PIR: variants seen among roughly 807,000 people sequenced by gnomAD.
PIR encodes the protein pirin (iron-binding nuclear protein).
Under a neutral mutation model 24.2 loss-of-function variants are expected in PIR, and 22 were observed. The ratio of observed to expected loss-of-function variants is 0.91; its 90% CI spans 0.65 to 1.30. The LOEUF (loss-of-function observed/expected upper bound fraction) is 1.30. PIR is among the 50% of genes most tolerant of loss of function. The pLI is 0.00. For synonymous variants in PIR, 80 were observed against 79.6 expected, an observed-to-expected ratio of 1.00 and a Z score of -0.03; for missense variants, 220 against 220.3, an observed-to-expected ratio of 1.00 and a Z score of 0.01.
intron 4 of PIR, among the ~76,000 whole-genome samples, chrX:15,457,443 C>A (rs1921127964): frequency 1.8e-5 from 2 of 112,042 alleles, no homozygotes; most frequent in Admixed American, 1.9e-4. Flanking sequence ...AATCCTTAAA[C>A]AAACAATGTC....
Position 15,464,526 on chromosome X carries a change from C to T in PIR, c.190-4786G>A, listed in dbSNP as rs187251667. Reference sequence around the variant, plus strand: ...AAAGGCAGTGAGACACAAGGAGAAACACTAAGAATCAGAAGAGTAGCTCCA... The same window carrying T: ...AAAGGCAGTGAGACACAAGGAGAAATACTAAGAATCAGAAGAGTAGCTCCA... On this transcript the variant is annotated intron_variant, in intron 3 of 9. Transcript: ENST00000380420. The T allele has an allele frequency of 3.3e-3, 1,584 of 474,595 alleles. 1 individual carries two copies. The highest frequency in any genetic ancestry group is 4.0e-3 in the Middle Eastern group (3 of 754). 39.1% of individuals were successfully genotyped at this position (474,595 alleles called of 1,213,427 possible).
intron 5 of PIR, among the ~76,000 whole-genome samples, chrX:15,449,050 G>T (rs190714297): frequency 9.0e-6 from 1 of 111,347 alleles, no homozygotes; most frequent in Admixed American, 9.6e-5. Context: ...ATTAAATGCC[G>T]TCCGCCCAAA....
At chrX:15,440,993 C>T (rs1458175942) in intron 5 of PIR, among the ~76,000 whole-genome samples, 2 of 111,557 alleles carry the variant, frequency 1.8e-5, no homozygotes, top group East Asian at 2.8e-4. Context: ...GAACCAAAAC[C>T]GGTATTGTGA....
At chrX:15,387,656 T>A (rs1923819135) in intron 9 of PIR, among the ~76,000 whole-genome samples, 1 of 111,526 alleles carries the variant, frequency 9.0e-6, no homozygotes, top group Non-Finnish European at 1.9e-5. Context: ...ACTTGGAAGA[T>A]GGGAGCAGGT....
chrX:15,407,575 A>T, intron 6 of PIR, 25 bp from the exon 7 acceptor site: 3 of 1,127,878 alleles, frequency 2.7e-6, no homozygotes, highest in Non-Finnish European at 3.7e-6. Context: ...CAACATTAAC[A>T]TGTTAGTGTC....
intron 9 of PIR, among the ~76,000 whole-genome samples, chrX:15,389,223 T>C (rs1348167619): frequency 8.9e-6 from 1 of 112,162 alleles, no homozygotes; most frequent in Non-Finnish European, 1.9e-5. Context: ...AACTATAATA[T>C]TGCAGTGCTT....
At chrX:15,407,267 T>G (rs1402645396) in intron 7 of PIR, among the ~76,000 whole-genome samples, 1 of 112,023 alleles carries the variant, frequency 8.9e-6, no homozygotes, top group Non-Finnish European at 1.9e-5. Flanking sequence ...GCCTGGACTT[T>G]CATCTGTGCA....
chrX:15,463,386 C>T (rs1267219577), intron 3 of PIR, among the ~76,000 whole-genome samples: 1 of 112,239 alleles, frequency 8.9e-6, no homozygotes, highest in East Asian at 2.8e-4. Flanking sequence ...TTGCTACTGT[C>T]ATGTTGTTGA....
At chrX:15,485,398 C>T (rs923738148) in intron 2 of PIR, among the ~76,000 whole-genome samples, 5 of 111,613 alleles carry the variant, frequency 4.5e-5, no homozygotes, top group Middle Eastern at 4.6e-3. Flanking sequence ...CCTGAGGGTT[C>T]TGCCCTCATG....
chrX:15,469,862 A>G (rs1205699174), intron 3 of PIR, among the ~76,000 whole-genome samples: 2 of 111,521 alleles, frequency 1.8e-5, no homozygotes, highest in Non-Finnish European at 3.8e-5. Context: ...TGAGAGCACT[A>G]TTTTGGACTT....
chrX:15,437,400 T>G (rs1925782709), intron 5 of PIR, among the ~76,000 whole-genome samples: 1 of 111,899 alleles, frequency 8.9e-6, no homozygotes, highest in Admixed American at 9.5e-5. Flanking sequence ...GTTCATATAT[T>G]AATACACCAT....
At chrX:15,392,985 G>T (rs1324320878) in intron 8 of PIR, among the ~76,000 whole-genome samples, 1 of 112,119 alleles carries the variant, frequency 8.9e-6, no homozygotes, top group African/African-American at 3.2e-5. Context: ...CTTTGTCTAT[G>T]GTGTCAAATG....
At chrX:15,414,456 T>C (rs771012938) in intron 6 of PIR, among the ~76,000 whole-genome samples, 1 of 112,530 alleles carries the variant, frequency 8.9e-6, no homozygotes, top group East Asian at 2.8e-4. Context: ...ATTCAAATAA[T>C]GTAGACATAA....
chrX:15,489,839 A>G (rs1039922503), intron 2 of PIR, among the ~76,000 whole-genome samples: 8 of 111,891 alleles, frequency 7.1e-5, no homozygotes, highest in African/African-American at 2.6e-4. Context: ...CAATTACTGC[A>G]TGATCTCACT....
At chrX:15,456,130 C>T (rs1921075019) in intron 4 of PIR, 76 bp from the exon 5 acceptor site, 16 of 838,855 alleles carry the variant, frequency 1.9e-5, no homozygotes, top group Non-Finnish European at 2.3e-5. Flanking sequence ...ATTACAACAC[C>T]ATCACTAAGT....
chrX:15,470,923 C>T (rs763536810), intron 3 of PIR, among the ~76,000 whole-genome samples: 2 of 110,469 alleles, frequency 1.8e-5, no homozygotes, highest in East Asian at 2.8e-4. Context: ...CCCCACCCCC[C>T]CAACACTCAA....
intron 5 of PIR, among the ~76,000 whole-genome samples, chrX:15,426,904 C>T (rs111978432): frequency 0.043 from 4,747 of 111,368 alleles, 261 homozygotes; most frequent in African/African-American, 0.14. Flanking sequence ...ACCTAACAGT[C>T]ACCTAAAGAC....
intron 9 of PIR, among the ~76,000 whole-genome samples, chrX:15,386,310 T>C (rs1259675581): frequency 8.9e-6 from 1 of 112,442 alleles, no homozygotes; most frequent in Non-Finnish European, 1.9e-5. Flanking sequence ...AGACACAGGA[T>C]AATATGTCTT....
At chrX:15,397,172 G>A (rs1924190880) in intron 8 of PIR, among the ~76,000 whole-genome samples, 1 of 112,492 alleles carries the variant, frequency 8.9e-6, no homozygotes. Flanking sequence ...AGAAAATTAA[G>A]AGACAACAAA....
Sources: gnomAD v4.1 joint callset for allele counts (sites outside exome capture counted in the v4.1 genomes callset) on GRCh38, gnomAD v4.1.1 for gene constraint, MANE v1.5 for transcripts, NCBI Gene and HGNC (gene_info 2026-07-23, HGNC 2026-07-21) for gene names.